The following SOX6 variants were observed in gnomAD, a reference collection of about 807,000 sequenced individuals.
SOX6 encodes transcription factor SOX-6.
In SOX6, 11 loss-of-function variants were observed where a neutral mutation model predicts 97.8. The ratio of observed to expected loss-of-function variants is 0.11; its 90% CI spans 0.07 to 0.19. The LOEUF (loss-of-function observed/expected upper bound fraction) is 0.19. SOX6 is among the 10% of genes least tolerant of loss of function. SOX6 has a pLI of 1.00. For missense variants in SOX6, 810 were observed against 1,039.5 expected, an observed-to-expected ratio of 0.78 and a Z score of 3.04; for synonymous variants, 360 against 371.4, an observed-to-expected ratio of 0.97 and a Z score of 0.35.
chr11:16,491,607 A>G (rs1272411547), intron 4 of SOX6, among the ~76,000 whole-genome samples: 1 of 152,140 alleles, frequency 6.6e-6, no homozygotes, highest in Non-Finnish European at 1.5e-5. Flanking sequence ...AAAGACAAGA[A>G]AATCTTGAGC....
chr11:16,136,090 C>T (rs1849953313), intron 6 of SOX6, among the ~76,000 whole-genome samples: 1 of 152,120 alleles, frequency 6.6e-6, no homozygotes, highest in African/African-American at 2.4e-5. Flanking sequence ...ACAATCTCAG[C>T]TCACTGCAAC....
chr11:16,014,892 A>T, intron 13 of SOX6, 50 bp downstream of exon 13: 1 of 1,538,662 alleles, frequency 6.5e-7, no homozygotes, highest in East Asian at 2.3e-5. Context: ...TCAGACACAC[A>T]TTTGGAAACA....
chr11:16,375,797 G>T (rs758911463), intron 1 of SOX6, among the ~76,000 whole-genome samples: 1 of 152,050 alleles, frequency 6.6e-6, no homozygotes, highest in Non-Finnish European at 1.5e-5. Context: ...GCCCATCAAT[G>T]ATAGTCTCGA....
At chr11:16,306,822 C>T (rs1855455792) in intron 3 of SOX6, among the ~76,000 whole-genome samples, 1 of 151,898 alleles carries the variant, frequency 6.6e-6, no homozygotes, top group Non-Finnish European at 1.5e-5. Flanking sequence ...GACGGGGTTT[C>T]ACCATGTTGG....
chr11:16,484,652 A>G, intron 4 of SOX6: 3 of 640,642 alleles, frequency 4.7e-6, no homozygotes, highest in Non-Finnish European at 5.7e-6. Flanking sequence ...ACCGTTGCTG[A>G]GCACGAAGTG....
chr11:16,055,792 T>G lies in SOX6; in HGVS notation c.1211A>C (p.Lys404Thr). 6.2e-7 allele frequency: 1 copy of G among 1,613,786 alleles called. No individual in the cohort carries two copies. The highest frequency in any genetic ancestry group is 8.5e-7 in the Non-Finnish European group (1 of 1,179,824). The change falls in exon 10 of 16, where the codon AAA becomes ACA. Residue 404 changes from lysine to threonine, a missense_variant. Coordinates refer to ENST00000683767, the MANE Select transcript of SOX6 (RefSeq NM_001367873.1). ...AGGGCTGGTCCCTCTCTTTTCATTT[T>G]TTATCCCAGTAGGTGAGACCGTCCC... Reference protein sequence around the residue: ...TAGTVSPTGIKNEKRGTSPVT... With the variant: ...TAGTVSPTGITNEKRGTSPVT...
intron 1 of SOX6, among the ~76,000 whole-genome samples, chr11:16,387,293 C>T (rs898143948): frequency 6.6e-6 from 1 of 151,894 alleles, no homozygotes; most frequent in East Asian, 1.9e-4. Flanking sequence ...TCAGGCTAGT[C>T]AATTACCAGA....
At chr11:16,068,281 G>C (rs1290010771) in intron 9 of SOX6, among the ~76,000 whole-genome samples, 1 of 152,054 alleles carries the variant, frequency 6.6e-6, no homozygotes, top group East Asian at 1.9e-4. Flanking sequence ...TATAAAGCTG[G>C]GCAAGTTAAG....
chr11:16,565,541 A>G (rs1847860564), intron 4 of SOX6, among the ~76,000 whole-genome samples: 1 of 152,064 alleles, frequency 6.6e-6, no homozygotes, highest in Non-Finnish European at 1.5e-5. Flanking sequence ...TCTTTTTTTA[A>G]AAGAACCCAC....
At chr11:16,360,595 G>C (rs2134375099), upstream of SOX6, among the ~76,000 whole-genome samples, 1 of 152,282 alleles carries the variant, frequency 6.6e-6, no homozygotes, top group African/African-American at 2.4e-5. Flanking sequence ...GCCTCTAGAA[G>C]GGGACAAGAA....
chr11:16,122,686 C>T (rs1318483918), intron 6 of SOX6, among the ~76,000 whole-genome samples: 2 of 151,928 alleles, frequency 1.3e-5, no homozygotes, highest in African/African-American at 4.8e-5. Context: ...AACTATAGGC[C>T]TTGTTAAAAT....
intron 3 of SOX6, among the ~76,000 whole-genome samples, chr11:16,291,464 T>A (rs1237476060): frequency 1.3e-5 from 2 of 151,932 alleles, no homozygotes; most frequent in Non-Finnish European, 2.9e-5. Flanking sequence ...TAAACCTACC[T>A]TGCAGAATAC....
chr11:16,584,024 T>G (rs1848065941), intron 4 of SOX6, among the ~76,000 whole-genome samples: 1 of 152,198 alleles, frequency 6.6e-6, no homozygotes, highest in African/African-American at 2.4e-5. Flanking sequence ...GAGCAATTTA[T>G]AAGACAAAAC....
At chr11:16,561,065 T>C (rs1296508657) in intron 4 of SOX6, among the ~76,000 whole-genome samples, 4 of 151,864 alleles carry the variant, frequency 2.6e-5, no homozygotes, top group Admixed American at 2.6e-4. Flanking sequence ...AAATCACTAC[T>C]AAAGAACTTA....
intron 9 of SOX6, among the ~76,000 whole-genome samples, chr11:16,063,419 T>A (rs1293833341): frequency 6.8e-6 from 1 of 146,500 alleles, no homozygotes; most frequent in African/African-American, 2.5e-5. Flanking sequence ...AAGAGAAGCA[T>A]GCTTTGTCCA....
chr11:16,600,684 C>G (rs1848257855), intron 4 of SOX6, among the ~76,000 whole-genome samples: 1 of 152,176 alleles, frequency 6.6e-6, no homozygotes, highest in Non-Finnish European at 1.5e-5. Flanking sequence ...TGAACTATTT[C>G]CAGTTTGTTT....
chr11:16,503,607 C>A (rs1860740917), intron 4 of SOX6, among the ~76,000 whole-genome samples: 1 of 152,072 alleles, frequency 6.6e-6, no homozygotes, highest in East Asian at 1.9e-4. Context: ...AGATATTCCA[C>A]ACAAAGGAAT....
At chr11:16,161,610 T>G (rs998494864) in intron 6 of SOX6, among the ~76,000 whole-genome samples, 4 of 152,270 alleles carry the variant, frequency 2.6e-5, no homozygotes, top group African/African-American at 9.6e-5. Flanking sequence ...CTGACCTCCT[T>G]TACTAGCGCC....
At chr11:16,328,274 C>A (rs1232152989) in intron 2 of SOX6, among the ~76,000 whole-genome samples, 1 of 152,160 alleles carries the variant, frequency 6.6e-6, no homozygotes, top group African/African-American at 2.4e-5. Flanking sequence ...TATTCTCCTT[C>A]ATTAAAAATG....
Sources: allele counts gnomAD v4.1 joint callset (sites outside exome capture counted in the v4.1 genomes callset), GRCh38; gene constraint gnomAD v4.1.1; transcripts MANE v1.5; gene names NCBI Gene and HGNC (gene_info 2026-07-23, HGNC 2026-07-21).